Variants in ITGA1 observed in about 807,000 individuals in gnomAD.
The protein encoded by ITGA1 is integrin subunit alpha 1.
ITGA1 carries 85 observed loss-of-function variants against 145.9 expected under a neutral mutation model. The ratio of observed to expected loss-of-function variants is 0.58; its 90% CI spans 0.49 to 0.70. The LOEUF (loss-of-function observed/expected upper bound fraction) is 0.70. Ranked by LOEUF, ITGA1 falls within the 30% of genes least tolerant of loss-of-function variation. ITGA1 has a pLI of 0.00. For missense variants in ITGA1, 1,351 were observed against 1,418.7 expected (o/e 0.95, Z 0.77); for synonymous variants, 520 against 495.3 (o/e 1.05, Z -0.66).
chr5:52,847,327 T>G (rs1292221393), intron 1 of ITGA1, among the ~76,000 whole-genome samples: 2 of 152,084 alleles, frequency 1.3e-5, no homozygotes, highest in African/African-American at 4.8e-5. Context: ...TAGAGTAGTG[T>G]GGATTTAAAG....
chr5:52,800,073 A>T (rs1420922035), intron 1 of ITGA1: 1 of 329,866 alleles, frequency 3.0e-6, no homozygotes, highest in African/African-American at 2.2e-5. Context: ...GGGTCGCGGG[A>T]CGGGGGCTGC....
intron 2 of ITGA1, among the ~76,000 whole-genome samples, chr5:52,856,724 T>A (rs1448409594): frequency 6.6e-6 from 1 of 151,208 alleles, no homozygotes; most frequent in Admixed American, 6.6e-5. Flanking sequence ...AGCCACTAGG[T>A]CAAAATTTAA....
chr5:52,893,866 A>G (rs1323211491), intron 9 of ITGA1, 26 bp downstream of exon 9: 1 of 1,558,074 alleles, frequency 6.4e-7, no homozygotes, highest in Admixed American at 1.8e-5. Context: ...TTATTGCTGC[A>G]TGTTCTCTCT....
Position 52,788,294 on chromosome 5 carries a change from C to T in ITGA1, c.-60C>T, listed in dbSNP as rs938291822. The stretch of plus-strand genomic sequence containing the variant: ...GTGGCCCAGCCAGAGAGCGCAGCTC[C>T]CGCGCCCGGTCCTGCCCTGCGAACC... On this transcript the variant is annotated 5_prime_UTR_variant, in exon 1 of 29. Transcript: ENST00000282588. The T allele has an allele frequency of 1.5e-6, 2 of 1,341,348 alleles. No individual in the cohort carries two copies. Among genetic ancestry groups the T allele is most frequent in the Non-Finnish European group, 1.9e-6 (2 of 1,026,902 alleles). 83.1% of individuals were successfully genotyped at this position (1,341,348 alleles called of 1,614,324 possible). A position where few individuals can be genotyped will look rare whatever the true frequency, so the allele number is the denominator to read the frequency against.
chr5:52,918,846 A>G lies in ITGA1; in HGVS notation c.2103A>G (p.Thr701=), dbSNP rs764233284. 7.4e-6 allele frequency: 12 copies of G among 1,610,760 alleles called. No homozygotes were observed. The highest frequency in any genetic ancestry group is 4.5e-5 in the East Asian group (2 of 44,824). ...AGGAAACAGTATGCATAAATGCTAC[A>G]GTGTGTTTTGATGTGAAATTAAAGT... ...EGKETVCINA[T]VCFDVKLKSK... Residue 701 remains threonine (T), a synonymous_variant, in exon 16 of 29, where the codon ACA becomes ACG. Coordinates refer to ENST00000282588, the MANE Select transcript of ITGA1 (RefSeq NM_181501.2).
chr5:52,892,366 C>T (rs1750164943), intron 8 of ITGA1, among the ~76,000 whole-genome samples: 1 of 152,136 alleles, frequency 6.6e-6, no homozygotes, highest in South Asian at 2.1e-4. Flanking sequence ...TGCAAAGCAG[C>T]TGGATCTCTT....
intron 20 of ITGA1, among the ~76,000 whole-genome samples, chr5:52,928,593 C>T (rs1327445802): frequency 6.6e-6 from 1 of 152,186 alleles, no homozygotes; most frequent in African/African-American, 2.4e-5. Flanking sequence ...TCTGTTTTTC[C>T]TCAACAGCCT....
chr5:52,843,555 G>A (rs62357146), intron 1 of ITGA1, among the ~76,000 whole-genome samples: 2,996 of 152,222 alleles, frequency 0.02, 50 homozygotes, highest in Non-Finnish European at 0.028. Context: ...TCAAGGATGC[G>A]TACAAGAGGG....
At chr5:52,876,802 C>G (rs1405339284) in intron 6 of ITGA1, among the ~76,000 whole-genome samples, 3 of 152,146 alleles carry the variant, frequency 2.0e-5, no homozygotes, top group Admixed American at 1.3e-4. Flanking sequence ...GAATGCAATA[C>G]TCACAGACAA....
chr5:52,922,338 T>C (rs1750743773), intron 17 of ITGA1, among the ~76,000 whole-genome samples: 1 of 151,956 alleles, frequency 6.6e-6, no homozygotes, highest in African/African-American at 2.4e-5. Flanking sequence ...CAAAAACTTA[T>C]AGCTGTAGGT....
At chr5:52,912,134 C>A (rs149371293) in intron 14 of ITGA1, among the ~76,000 whole-genome samples, 1 of 134,320 alleles carries the variant, frequency 7.4e-6, no homozygotes, top group Non-Finnish European at 1.6e-5. Context: ...CTATATATAG[C>A]GTATCTAGTA....
rs148695419 is a variant in ITGA1, at chr5:52,859,596, C to A, written c.183-1851C>A. ...CCTATAGGGCCTACACAAAATAAAT[C>A]CCATTTCTTTTCAATATGACAGACT... On this transcript the variant is annotated intron_variant, in intron 2 of 28. Transcript: ENST00000282588. Among the ~76,000 whole-genome samples the A allele has an allele frequency of 2.0e-5, 3 of 152,196 alleles. No individual in the cohort carries two copies. The East Asian group carries it at 5.8e-4, about 29-fold the overall frequency.
intron 21 of ITGA1, chr5:52,931,543 A>C (rs540965711): frequency 6.6e-6 from 1 of 152,388 alleles, no homozygotes; most frequent in South Asian, 2.1e-4. Flanking sequence ...ATGATCATCA[A>C]GTACTTAGTA....
chr5:52,818,770 G>T (rs1020655641), intron 1 of ITGA1, among the ~76,000 whole-genome samples: 1 of 152,086 alleles, frequency 6.6e-6, no homozygotes, highest in Non-Finnish European at 1.5e-5. Context: ...CATTAGAAAG[G>T]TATCTAATTC....
At chr5:52,937,614 C>A in intron 24 of ITGA1, 100 bp downstream of exon 24, 1 of 744,968 alleles carries the variant, frequency 1.3e-6, no homozygotes, top group Non-Finnish European at 2.4e-6. Context: ...AAGAATTTTA[C>A]CAAAGTAACA....
At chr5:52,896,940 A>G (rs1750235940) in intron 9 of ITGA1, among the ~76,000 whole-genome samples, 1 of 152,328 alleles carries the variant, frequency 6.6e-6, no homozygotes, top group Non-Finnish European at 1.5e-5. Flanking sequence ...TAAACCCTTT[A>G]TCACACAATG....
intron 6 of ITGA1, among the ~76,000 whole-genome samples, chr5:52,877,393 C>T (rs932532754): frequency 5.3e-5 from 8 of 152,076 alleles, no homozygotes; most frequent in Admixed American, 2.0e-4. Flanking sequence ...ACTCTGGAGT[C>T]GGGCTCCAAC....
chr5:52,846,699 C>T (rs1003478836), intron 1 of ITGA1, among the ~76,000 whole-genome samples: 3 of 152,206 alleles, frequency 2.0e-5, no homozygotes, highest in African/African-American at 7.2e-5. Context: ...TTCACCCATT[C>T]TTTTTCTGCT....
At chr5:52,799,450 C>T (rs746123690) in intron 1 of ITGA1, among the ~76,000 whole-genome samples, 2 of 152,182 alleles carry the variant, frequency 1.3e-5, no homozygotes, top group Non-Finnish European at 2.9e-5. Flanking sequence ...CTGAGGCTGC[C>T]AACTTTGGAG....
Sources: allele counts gnomAD v4.1 joint callset (sites outside exome capture counted in the v4.1 genomes callset), GRCh38; gene constraint gnomAD v4.1.1; transcripts MANE v1.5; gene names NCBI Gene and HGNC (gene_info 2026-07-23, HGNC 2026-07-21).